The following MAPKAP1 variants were observed in gnomAD, a reference collection of about 807,000 sequenced individuals.
MAPKAP1 encodes MAPK associated protein 1, also known as target of rapamycin complex 2 subunit MAPKAP1.
A neutral mutation model predicts 65.7 loss-of-function variants in MAPKAP1; 20 were observed. The ratio of observed to expected loss-of-function variants is 0.30; its 90% CI spans 0.21 to 0.44. The LOEUF (loss-of-function observed/expected upper bound fraction) is 0.44, where lower values mean the gene tolerates loss of function less well. Ranked by LOEUF, MAPKAP1 falls within the 20% of genes least tolerant of loss-of-function variation. The pLI is 1.00. For synonymous variants in MAPKAP1, 222 were observed against 244.3 expected (o/e 0.91, Z 0.85); for missense variants, 423 against 648.0 (o/e 0.65, Z 3.77).
chr9:125,574,937 C>T (rs1008015845), intron 5 of MAPKAP1, among the ~76,000 whole-genome samples: 3 of 152,188 alleles, frequency 2.0e-5, no homozygotes, highest in African/African-American at 7.2e-5. Context: ...GGCGTTAACA[C>T]CAGAATTAAA....
At chr9:125,650,777 C>T (rs927188267) in intron 4 of MAPKAP1, among the ~76,000 whole-genome samples, 1 of 152,184 alleles carries the variant, frequency 6.6e-6, no homozygotes, top group African/African-American at 2.4e-5. Flanking sequence ...GAGGATTTAA[C>T]TTCTATGAGA....
intron 4 of MAPKAP1, among the ~76,000 whole-genome samples, chr9:125,625,709 C>T (rs1193189255): frequency 6.6e-6 from 1 of 152,126 alleles, no homozygotes; most frequent in Non-Finnish European, 1.5e-5. Context: ...GCACAAGAAT[C>T]ACTTGAACCT....
chr9:125,645,858 C>T (rs1217203481), intron 4 of MAPKAP1, among the ~76,000 whole-genome samples: 11 of 152,054 alleles, frequency 7.2e-5, no homozygotes, highest in Admixed American at 7.2e-4. Flanking sequence ...ACTTGTTTAT[C>T]CCTGTCAGTG....
chr9:125,596,387 G>A (rs1218435269), intron 4 of MAPKAP1: 6 of 817,284 alleles, frequency 7.3e-6, no homozygotes, highest in Non-Finnish European at 1.3e-5. Context: ...GTGGCAGTAG[G>A]GATGGCTATA....
intron 5 of MAPKAP1, among the ~76,000 whole-genome samples, chr9:125,571,096 CA>C (rs1831216148): frequency 6.6e-6 from 1 of 152,054 alleles, no homozygotes. Context: ...CATACATTAT[CA>C]AATGTAAAAT....
rs963160407 is a variant in MAPKAP1 at position 125,706,965 on chromosome 9, C to A, written c.-70+6G>T. 5.1e-6 allele frequency: 2 copies of A among 394,534 alleles called. No individual in the cohort carries two copies. Among genetic ancestry groups the A allele is most frequent in the Non-Finnish European group, 4.5e-6 (1 of 224,002 alleles). 24.4% of individuals were successfully genotyped at this position (394,534 alleles called of 1,614,324 possible). A position where few individuals can be genotyped will look rare whatever the true frequency, so the allele number is the denominator to read the frequency against. On this transcript the variant is annotated splice_donor_region_variant and intron_variant, in intron 1 of 11. Coordinates refer to ENST00000265960, the MANE Select transcript of MAPKAP1 (RefSeq NM_001006617.3). ...GCGGGGAGCTGGCGGCTGGGGCAAC[C>A]TTTACCTGAAGCTGCTTCCACACTA...
chr9:125,605,004 T>C (rs940366699), intron 4 of MAPKAP1, among the ~76,000 whole-genome samples: 1 of 152,174 alleles, frequency 6.6e-6, no homozygotes, highest in Non-Finnish European at 1.5e-5. Flanking sequence ...GGAACAAAAA[T>C]ACTATTGCAT....
chr9:125,465,493 G>A (rs1167150981), intron 10 of MAPKAP1, among the ~76,000 whole-genome samples: 2 of 152,198 alleles, frequency 1.3e-5, no homozygotes, highest in Non-Finnish European at 2.9e-5. Flanking sequence ...ATTTGATGAA[G>A]ATACTGGAAA....
chr9:125,548,458 CCAGAAGGCAGCAG>C (rs1346295770), intron 6 of MAPKAP1, among the ~76,000 whole-genome samples: 2 of 152,104 alleles, frequency 1.3e-5, no homozygotes, highest in African/African-American at 4.8e-5. Context: ...GGTGGCAGCA[CCAGAAGGCAGCAG>C]AGCACAGTAA....
intron 5 of MAPKAP1, among the ~76,000 whole-genome samples, chr9:125,584,174 G>C (rs1287088591): frequency 1.3e-5 from 2 of 152,168 alleles, no homozygotes; most frequent in East Asian, 3.9e-4. Flanking sequence ...GGACCTCACA[G>C]CTCACCCTTG....
At chr9:125,652,298 T>C in intron 4 of MAPKAP1, 4 of 1,171,548 alleles carry the variant, frequency 3.4e-6, no homozygotes, top group South Asian at 1.8e-5. Context: ...TTAAGGACTA[T>C]CATCCCAAAA....
chr9:125,697,863 TTAG>T (rs1194884629), intron 1 of MAPKAP1, among the ~76,000 whole-genome samples: 1 of 152,012 alleles, frequency 6.6e-6, no homozygotes, highest in African/African-American at 2.4e-5. Flanking sequence ...TCAATGAGTA[TTAG>T]TATTTTCATC....
chr9:125,467,877 G>C lies in MAPKAP1; in HGVS notation c.1345+95C>G, dbSNP rs1213145457. On this transcript the variant is annotated intron_variant, in intron 10 of 11. Transcript: ENST00000265960. ...AATTAAAACAGACCCAAGGAAAAAA[G>C]GACACAGTGGCAATATATTCTCCTG... 6 of 1,339,678 alleles carry C rather than the reference G, an allele frequency of 4.5e-6. No individual in the cohort carries two copies. The African/African-American group carries it at 8.9e-5, about 20-fold the overall frequency. The allele number at this position is 1,339,678 out of a possible 1,614,324, so 83.0% of individuals were successfully genotyped here.
At chr9:125,665,533 A>G (rs989280587) in intron 3 of MAPKAP1, among the ~76,000 whole-genome samples, 5 of 152,058 alleles carry the variant, frequency 3.3e-5, no homozygotes, top group South Asian at 2.1e-4. Flanking sequence ...CTCAAAACCT[A>G]TAAGAACTAA....
chr9:125,518,739 T>C (rs551386125), intron 7 of MAPKAP1, among the ~76,000 whole-genome samples: 248 of 152,300 alleles, frequency 1.6e-3, no homozygotes, highest in Middle Eastern at 3.4e-3. Flanking sequence ...TTATAAGATA[T>C]AGAATGTACA....
At chr9:125,669,085 CAGG>C (rs2131791888) in intron 3 of MAPKAP1, among the ~76,000 whole-genome samples, 1 of 151,574 alleles carries the variant, frequency 6.6e-6, no homozygotes, top group African/African-American at 2.4e-5. Context: ...GAGGCTGAGG[CAGG>C]AGAATTGCTT....
intron 7 of MAPKAP1, among the ~76,000 whole-genome samples, chr9:125,518,258 G>T (rs1829520207): frequency 6.6e-6 from 1 of 152,184 alleles, no homozygotes; most frequent in Admixed American, 6.5e-5. Flanking sequence ...TCTATACACT[G>T]GGCTGTCATA....
intron 1 of MAPKAP1, among the ~76,000 whole-genome samples, chr9:125,699,268 G>A (rs1238085732): frequency 6.6e-6 from 1 of 152,054 alleles, no homozygotes; most frequent in Non-Finnish European, 1.5e-5. Flanking sequence ...GAGTGCAGGA[G>A]CACAATCATG....
At chr9:125,496,102 AG>A (rs1244155326) in intron 8 of MAPKAP1, among the ~76,000 whole-genome samples, 1 of 152,212 alleles carries the variant, frequency 6.6e-6, no homozygotes, top group African/African-American at 2.4e-5. Flanking sequence ...ATTTTGCAGC[AG>A]GGGAAATGAG....
Sources: allele counts gnomAD v4.1 joint callset (sites outside exome capture counted in the v4.1 genomes callset), GRCh38; gene constraint gnomAD v4.1.1; transcripts MANE v1.5; gene names NCBI Gene and HGNC (gene_info 2026-07-23, HGNC 2026-07-21).